Variants in FBXW4 observed in about 807,000 individuals in gnomAD.
FBXW4 encodes F-box and WD repeat domain containing 4, also known as F-box/WD repeat-containing protein 4.
A neutral mutation model predicts 61.8 loss-of-function variants in FBXW4; 40 were observed. The observed-to-expected ratio is 0.65, with a 90% CI of 0.50 to 0.84. The LOEUF (loss-of-function observed/expected upper bound fraction) is 0.84, where lower values mean the gene tolerates loss of function less well. Among genes scored for constraint, FBXW4 ranks in the 40% least tolerant of loss-of-function variants. The probability of loss-of-function intolerance (pLI) is 0.00; values close to 1 mark genes in which losing one functional copy is unlikely to be tolerated. For missense variants in FBXW4, 672 were observed against 753.8 expected (o/e 0.89, Z 1.27); for synonymous variants, 311 against 313.8 (o/e 0.99, Z 0.10).
intron 5 of FBXW4, among the ~76,000 whole-genome samples, chr10:101,633,568 T>C (rs1417739517): frequency 3.9e-5 from 6 of 152,090 alleles, no homozygotes; most frequent in African/African-American, 1.4e-4. Context: ...GCACGTTCTG[T>C]ACATGTACCC....
chr10:101,673,250 A>G (rs2064375278), intron 3 of FBXW4, among the ~76,000 whole-genome samples: 1 of 152,210 alleles, frequency 6.6e-6, no homozygotes. Flanking sequence ...GAGAAAAAAT[A>G]TATTTTCCCC....
At chr10:101,665,268 A>G (rs1002656219) in intron 5 of FBXW4, among the ~76,000 whole-genome samples, 4 of 152,154 alleles carry the variant, frequency 2.6e-5, no homozygotes, top group African/African-American at 9.7e-5. Context: ...AACACAAACT[A>G]TTTTTTAAAA....
chr10:101,695,257 CT>C, upstream of FBXW4: 1 of 949,388 alleles, frequency 1.1e-6, no homozygotes, highest in Non-Finnish European at 1.3e-6. This position sits in a 1 kb window ranked among gnomAD's most constrained non-coding sequence, Gnocchi z 4.2. Context: ...CTTGGAGCCA[CT>C]TCGGGGTGCG....
chr10:101,632,691 C>A (rs1036854884), intron 5 of FBXW4, among the ~76,000 whole-genome samples: 5 of 152,176 alleles, frequency 3.3e-5, no homozygotes, highest in African/African-American at 1.2e-4. Context: ...TTGGGAGCTG[C>A]AGGGAGAAGA....
At chr10:101,619,570 G>A (rs2063851721) in intron 6 of FBXW4, among the ~76,000 whole-genome samples, 5 of 151,844 alleles carry the variant, frequency 3.3e-5, no homozygotes, top group African/African-American at 7.3e-5. Flanking sequence ...GAGGCAGGAG[G>A]ATGGCGTGAA....
intron 5 of FBXW4, among the ~76,000 whole-genome samples, chr10:101,665,544 G>C (rs528399262): frequency 3.8e-4 from 58 of 152,318 alleles, no homozygotes; most frequent in African/African-American, 1.4e-3. Flanking sequence ...CGAGACCTTA[G>C]CAGAGGGTCT....
chr10:101,628,877 A>G (rs2063927946), intron 5 of FBXW4, among the ~76,000 whole-genome samples: 1 of 152,184 alleles, frequency 6.6e-6, no homozygotes, highest in South Asian at 2.1e-4. Context: ...CCAGCCTTCT[A>G]TAATTTCTCA....
intron 2 of FBXW4, among the ~76,000 whole-genome samples, chr10:101,674,205 G>A (rs111776558): frequency 1.0e-3 from 156 of 151,964 alleles, no homozygotes; most frequent in Non-Finnish European, 1.8e-3. Context: ...GGTACACGCC[G>A]GTAATCCCAG....
chr10:101,630,228 T>C (rs1346310078), intron 5 of FBXW4, among the ~76,000 whole-genome samples: 2 of 152,254 alleles, frequency 1.3e-5, no homozygotes. Flanking sequence ...GCTTTTTATC[T>C]GAGCCTTATT....
rs762971344 is a variant in FBXW4 at position 101,673,508 on chromosome 10, C to G, written c.987G>C (p.Ser329=). Residue 329 remains serine (S), a synonymous_variant, in exon 3 of 9, where the codon TCG becomes TCC. Transcript: ENST00000331272. Reference sequence around the variant, plus strand: ...CTTACCCTCCTGCACTAACAATATGCGAGTTGGCCAGCACAAAGTGGCAAA... The same window carrying G: ...CTTACCCTCCTGCACTAACAATATGGGAGTTGGCCAGCACAAAGTGGCAAA... ...EDVCHFVLAN[S]HIVSAGGDGK... 1 of 1,613,764 alleles carries G rather than the reference C, an allele frequency of 6.2e-7. No individual in the cohort carries two copies. Among genetic ancestry groups the G allele is most frequent in the East Asian group, 2.2e-5 (1 of 44,886 alleles).
At chr10:101,678,175 T>C (rs975622705) in intron 1 of FBXW4, among the ~76,000 whole-genome samples, 1 of 152,190 alleles carries the variant, frequency 6.6e-6, no homozygotes, top group Non-Finnish European at 1.5e-5. Context: ...GCTACAGGAA[T>C]GGCACTGTTT....
At chr10:101,638,272 C>T (rs759893936) in intron 5 of FBXW4, among the ~76,000 whole-genome samples, 10 of 152,026 alleles carry the variant, frequency 6.6e-5, no homozygotes, top group Non-Finnish European at 1.3e-4. Context: ...ATGCTGCAGT[C>T]AAAAAGAACA....
intron 2 of FBXW4, among the ~76,000 whole-genome samples, chr10:101,674,519 C>T (rs770483782): frequency 5.7e-4 from 86 of 152,096 alleles, no homozygotes; most frequent in Non-Finnish European, 9.7e-4. Context: ...AGCCCCATTC[C>T]CTTATTCTGT....
At chr10:101,664,004 C>T (rs2064271550) in intron 5 of FBXW4, among the ~76,000 whole-genome samples, 1 of 152,212 alleles carries the variant, frequency 6.6e-6, no homozygotes, top group South Asian at 2.1e-4. Context: ...TTGGAGCCTG[C>T]TGGTTCTCCT....
chr10:101,694,639 ATGGCCACCCC>A lies in FBXW4; in HGVS notation c.457_466del (p.Gly153TrpfsTer71). ...CTCCTCCTCCCCGGCCGCCGCCGCC[ATGGCCACCCC>A]TGTCCCCGCGATGTCGGCCCAAGCC... On this transcript the variant is annotated frameshift_variant, in exon 1 of 9. Coordinates refer to ENST00000331272, the MANE Select transcript of FBXW4 (RefSeq NM_022039.4). LOFTEE classifies it high-confidence loss of function. The surrounding 1 kb of genome is among the most constrained non-coding windows in gnomAD (Gnocchi z 6.0). The A allele has an allele frequency of 7.0e-7, 1 of 1,426,126 alleles. No homozygotes were observed. Among genetic ancestry groups the A allele is most frequent in the Non-Finnish European group, 9.1e-7 (1 of 1,099,894 alleles). The allele number at this position is 1,426,126 out of a possible 1,614,324, so 88.3% of individuals were successfully genotyped here.
chr10:101,681,941 T>C (rs1019072696), intron 1 of FBXW4, among the ~76,000 whole-genome samples: 1 of 152,076 alleles, frequency 6.6e-6, no homozygotes, highest in Non-Finnish European at 1.5e-5. Context: ...TTCTACCGCT[T>C]ACTAATTATA....
intron 6 of FBXW4, among the ~76,000 whole-genome samples, chr10:101,616,500 GA>G (rs1453836706): frequency 6.6e-6 from 1 of 152,236 alleles, no homozygotes; most frequent in Non-Finnish European, 1.5e-5. Flanking sequence ...GTACCACAGA[GA>G]ACAACGGAAA....
chr10:101,641,459 T>C (rs1017988774), intron 5 of FBXW4, among the ~76,000 whole-genome samples: 2 of 152,144 alleles, frequency 1.3e-5, no homozygotes, highest in African/African-American at 4.8e-5. Flanking sequence ...TTATCTCTTC[T>C]CCACCCTGAC....
At chr10:101,630,474 C>G (rs1382958780) in intron 5 of FBXW4, among the ~76,000 whole-genome samples, 1 of 152,194 alleles carries the variant, frequency 6.6e-6, no homozygotes, top group African/African-American at 2.4e-5. Context: ...GCTCAGCCAG[C>G]AAGGGTAGGA....
Sources: gnomAD v4.1 joint callset for allele counts (sites outside exome capture counted in the v4.1 genomes callset) on GRCh38, gnomAD v4.1.1 for gene constraint, Gnocchi (gnomAD v3.1) non-coding constraint, MANE v1.5 for transcripts, NCBI Gene and HGNC (gene_info 2026-07-23, HGNC 2026-07-21) for gene names.